The following ADAMTSL1 variants were observed in gnomAD, a reference collection of about 807,000 sequenced individuals.
ADAMTSL1 encodes ADAMTS-like protein 1.
In ADAMTSL1, 126 loss-of-function variants were observed where a neutral mutation model predicts 201.8. The ratio of observed to expected loss-of-function variants is 0.62; its 90% CI spans 0.54 to 0.72. The LOEUF is 0.72. ADAMTSL1 is among the 30% of genes least tolerant of loss of function. ADAMTSL1 has a pLI of 0.00. For synonymous variants in ADAMTSL1, 1,121 were observed against 903.4 expected (o/e 1.24, Z -4.32); for missense variants, 2,679 against 2,277.8 (o/e 1.18, Z -3.59).
At chr9:18,356,935 A>G (rs1408802849) in intron 2 of ADAMTSL1, among the ~76,000 whole-genome samples, 1 of 152,178 alleles carries the variant, frequency 6.6e-6, no homozygotes, top group African/African-American at 2.4e-5. Context: ...CATCACTCCT[A>G]GTACAACTTG....
intron 1 of ADAMTSL1, among the ~76,000 whole-genome samples, chr9:17,947,867 C>G (rs1311194413): frequency 6.6e-6 from 1 of 152,104 alleles, no homozygotes; most frequent in Non-Finnish European, 1.5e-5. Context: ...AGTCATGCGT[C>G]AAAGAGTGAT....
At chr9:17,932,003 C>A (rs564818679) in intron 1 of ADAMTSL1, among the ~76,000 whole-genome samples, 1 of 152,272 alleles carries the variant, frequency 6.6e-6, no homozygotes, top group East Asian at 1.9e-4. Context: ...CAATGGGACC[C>A]CTGCTGTTTG....
intron 2 of ADAMTSL1, among the ~76,000 whole-genome samples, chr9:18,317,456 T>C (rs1420268094): frequency 6.6e-6 from 1 of 152,216 alleles, no homozygotes; most frequent in East Asian, 1.9e-4. Context: ...AGTTTGGTGA[T>C]GGATGAGTTA....
At chr9:18,633,264 G>A (rs759212929) in intron 5 of ADAMTSL1, among the ~76,000 whole-genome samples, 1 of 152,154 alleles carries the variant, frequency 6.6e-6, no homozygotes, top group East Asian at 1.9e-4. Context: ...AACTTAAAAA[G>A]TCATGTCTTT....
chr9:18,055,091 G>A (rs568869530), intron 1 of ADAMTSL1, among the ~76,000 whole-genome samples: 2 of 152,306 alleles, frequency 1.3e-5, no homozygotes, highest in South Asian at 4.1e-4. Context: ...ATGGACTGGG[G>A]CATGCACATG....
chr9:18,821,327 T>C (rs1824196998), intron 21 of ADAMTSL1, among the ~76,000 whole-genome samples: 1 of 152,134 alleles, frequency 6.6e-6, no homozygotes, highest in Admixed American at 6.5e-5. Flanking sequence ...TCATGCAGGG[T>C]CACAGGATGC....
At chr9:18,575,664 T>A (rs1006335991) in intron 4 of ADAMTSL1, among the ~76,000 whole-genome samples, 1 of 152,094 alleles carries the variant, frequency 6.6e-6, no homozygotes, top group African/African-American at 2.4e-5. Flanking sequence ...AAAAGAATAA[T>A]AACTCCCTAT....
At chr9:17,935,320 G>C (rs543521590) in intron 1 of ADAMTSL1, among the ~76,000 whole-genome samples, 1 of 152,086 alleles carries the variant, frequency 6.6e-6, no homozygotes, top group Admixed American at 6.6e-5. Flanking sequence ...CCAGTTCTTG[G>C]ACACTTTCAT....
chr9:17,914,069 C>T (rs1173570413), intron 1 of ADAMTSL1, among the ~76,000 whole-genome samples: 2 of 152,176 alleles, frequency 1.3e-5, no homozygotes, highest in African/African-American at 2.4e-5. Flanking sequence ...CAGATGAATT[C>T]ACAGCCGAAT....
At chr9:18,564,650 G>T (rs1182477954) in intron 3 of ADAMTSL1, among the ~76,000 whole-genome samples, 2 of 152,128 alleles carry the variant, frequency 1.3e-5, no homozygotes, top group Non-Finnish European at 2.9e-5. Context: ...ATAATTGTGT[G>T]CTTATAAAAT....
intron 2 of ADAMTSL1, among the ~76,000 whole-genome samples, chr9:18,168,704 G>C (rs1345026571): frequency 1.4e-5 from 2 of 146,466 alleles, no homozygotes; most frequent in African/African-American, 5.0e-5. Flanking sequence ...TCGCCACACT[G>C]ACTTCCACAA....
At chr9:18,820,903 T>C (rs944125600) in intron 21 of ADAMTSL1, among the ~76,000 whole-genome samples, 3 of 152,158 alleles carry the variant, frequency 2.0e-5, no homozygotes, top group Non-Finnish European at 4.4e-5. Flanking sequence ...GAACAGAATG[T>C]GCAAAGGGCC....
chr9:18,694,042 C>T (rs1831398783), intron 13 of ADAMTSL1, among the ~76,000 whole-genome samples: 1 of 152,080 alleles, frequency 6.6e-6, no homozygotes, highest in African/African-American at 2.4e-5. Flanking sequence ...GGGAAGCAGG[C>T]ACATCTTACA....
chr9:18,089,213 G>A (rs1171398641), intron 1 of ADAMTSL1, among the ~76,000 whole-genome samples: 1 of 152,078 alleles, frequency 6.6e-6, no homozygotes, highest in Non-Finnish European at 1.5e-5. Context: ...GTATCAGGAT[G>A]ATGCTGGCCT....
At chr9:18,192,956 T>C (rs935425416) in intron 2 of ADAMTSL1, among the ~76,000 whole-genome samples, 6 of 152,090 alleles carry the variant, frequency 3.9e-5, no homozygotes, top group Admixed American at 1.3e-4. Flanking sequence ...TTATATATAA[T>C]ATACACAGGA....
At chr9:18,752,316 C>A (rs569371995) in intron 15 of ADAMTSL1, among the ~76,000 whole-genome samples, 1 of 152,232 alleles carries the variant, frequency 6.6e-6, no homozygotes, top group South Asian at 2.1e-4. Context: ...TGATGAAAAA[C>A]ATTAAGGCCA....
At chr9:18,226,015 A>C (rs898010726) in intron 2 of ADAMTSL1, among the ~76,000 whole-genome samples, 1 of 152,066 alleles carries the variant, frequency 6.6e-6, no homozygotes, top group African/African-American at 2.4e-5. Flanking sequence ...AAAGTTTTAT[A>C]TTTAATAGGA....
chr9:18,346,256 G>A (rs1563901891), intron 2 of ADAMTSL1, among the ~76,000 whole-genome samples: 1 of 152,122 alleles, frequency 6.6e-6, no homozygotes, highest in African/African-American at 2.4e-5. Flanking sequence ...GCCTATTAAT[G>A]TTCCTAGACA....
chr9:18,346,350 T>G (rs908103404), intron 2 of ADAMTSL1, among the ~76,000 whole-genome samples: 3 of 152,124 alleles, frequency 2.0e-5, no homozygotes, highest in Non-Finnish European at 2.9e-5. Flanking sequence ...AGAGCAGGGT[T>G]GGATGGTACC....
Sources: gnomAD v4.1 joint callset for allele counts (sites outside exome capture counted in the v4.1 genomes callset) on GRCh38, gnomAD v4.1.1 for gene constraint, MANE v1.5 for transcripts, NCBI Gene and HGNC (gene_info 2026-07-23, HGNC 2026-07-21) for gene names.